The following CFI variants were observed in gnomAD, a reference collection of about 807,000 sequenced individuals.
The protein encoded by CFI is C3B/C4B inactivator.
A neutral mutation model predicts 78.8 loss-of-function variants in CFI; 66 were observed. The observed-to-expected ratio is 0.84, with a 90% confidence interval of 0.69 to 1.03. The LOEUF (loss-of-function observed/expected upper bound fraction) is 1.03, where lower values mean the gene tolerates loss of function less well. Among genes scored for constraint, CFI ranks in the 50% least tolerant of loss-of-function variants. CFI has a pLI of 0.00. For missense variants in CFI, 706 were observed against 704.5 expected, an observed-to-expected ratio of 1.00 and a Z score of -0.02; for synonymous variants, 250 against 232.6, an observed-to-expected ratio of 1.07 and a Z score of -0.68.
chr4:109,767,715 T>A (rs967871765), intron 1 of CFI, among the ~76,000 whole-genome samples: 4 of 150,836 alleles, frequency 2.7e-5, no homozygotes, highest in African/African-American at 4.9e-5. Flanking sequence ...ATTGTGGAAG[T>A]CAGTGTGGCG....
chr4:109,735,098 T>C, the CFI span, among the ~76,000 whole-genome samples: 1 of 152,136 alleles, frequency 6.6e-6, no homozygotes, highest in South Asian at 2.1e-4. Flanking sequence ...AATACAGGTG[T>C]ACACAACTGT....
intron 12 of CFI, 190 bp from the exon 13 acceptor site, chr4:109,741,300 G>T (rs1406105562): frequency 2.0e-6 from 2 of 985,256 alleles, no homozygotes; most frequent in African/African-American, 3.5e-5. Context: ...TTCTTTACGA[G>T]TCTTCTATTT....
At chr4:109,746,083 C>G (rs899176804) in intron 11 of CFI, 139 bp downstream of exon 11, 3 of 1,045,966 alleles carry the variant, frequency 2.9e-6, no homozygotes, top group African/African-American at 3.2e-5. Context: ...ACCCATGAAG[C>G]CAGCCATGGC....
chr4:109,792,628 G>A (rs545653828), intron 1 of CFI, among the ~76,000 whole-genome samples: 1 of 151,950 alleles, frequency 6.6e-6, no homozygotes, highest in South Asian at 2.1e-4. Flanking sequence ...CTTTTATTCT[G>A]TCACTTTTCA....
rs781740283 is a variant in CFI, at chr4:109,740,828, G to A, written c.*65C>T. ...CCCCTAGAGAATTATTAATTATACC[G>A]TTTTATTTCCATTAAATGGAACTCT... On this transcript the variant is annotated 3_prime_UTR_variant, in exon 13 of 13. Coordinates refer to ENST00000394634, the MANE Select transcript of CFI (RefSeq NM_000204.5). 255 of 1,424,828 alleles carry A rather than the reference G, an allele frequency of 1.8e-4. 1 individual carries two copies. Among genetic ancestry groups the A allele is most frequent in the Middle Eastern group, 7.0e-4 (4 of 5,692 alleles). 88.3% of individuals were successfully genotyped at this position (1,424,828 alleles called of 1,614,324 possible).
chr4:109,756,929 GA>G (rs1726311451), intron 7 of CFI, among the ~76,000 whole-genome samples: 3 of 144,240 alleles, frequency 2.1e-5, no homozygotes, highest in Non-Finnish European at 4.6e-5. Flanking sequence ...AAGAAAGAAA[GA>G]AAGAAAGAAA....
rs557217553 is a variant in CFI, at chr4:109,783,535, T to C, written c.58-16711A>G. ...AAAATAAAAAAATAGTAGATGTTGG[T>C]GTGGATGTGGTGATCAGGGAACACT... On this transcript the variant is annotated intron_variant, in intron 1 of 12. Coordinates refer to ENST00000394634, the MANE Select transcript of CFI (RefSeq NM_000204.5). Among the ~76,000 whole-genome samples, 314 of 151,772 alleles carry C rather than the reference T, an allele frequency of 2.1e-3. 2 individuals are homozygous for C. The highest frequency in any genetic ancestry group is 7.0e-3 in the African/African-American group (289 of 41,392).
chr4:109,757,067 C>T (rs1046396792), intron 7 of CFI, among the ~76,000 whole-genome samples: 2 of 151,958 alleles, frequency 1.3e-5, no homozygotes, highest in Non-Finnish European at 2.9e-5. Context: ...CCAGCTCTGT[C>T]GCCCAGGCTG....
chr4:109,775,544 C>T (rs1331821784), intron 1 of CFI, among the ~76,000 whole-genome samples: 1 of 152,214 alleles, frequency 6.6e-6, no homozygotes, highest in Non-Finnish European at 1.5e-5. Flanking sequence ...AGGAGGCCTG[C>T]CTGCCTCTGT....
chr4:109,749,131 T>G, intron 10 of CFI, 87 bp downstream of exon 10: 6 of 1,185,410 alleles, frequency 5.1e-6, no homozygotes, highest in Non-Finnish European at 1.3e-6. Flanking sequence ...AGTACCTTTT[T>G]CAGATATGCT....
chr4:109,746,605 T>C (rs1473156343), intron 10 of CFI, 103 bp from the exon 11 acceptor site: 6 of 995,368 alleles, frequency 6.0e-6, no homozygotes, highest in Non-Finnish European at 8.6e-6. Context: ...ACCTTTTTCA[T>C]TTCCCCAGAA....
chr4:109,731,251 C>CA, the CFI span, among the ~76,000 whole-genome samples: 1 of 151,926 alleles, frequency 6.6e-6, no homozygotes, highest in South Asian at 2.1e-4. Context: ...GAGGCGGAGG[C>CA]AGGAGAATCA....
intron 1 of CFI, chr4:109,793,293 T>C (rs563156580): frequency 6.6e-6 from 1 of 152,378 alleles, no homozygotes; most frequent in Admixed American, 6.5e-5. Context: ...TACATCTTTA[T>C]ACATTGTGCA....
In CFI at chr4:109,760,259, C is replaced by G. The variant is rs751353836; in HGVS notation, c.883+11G>C. On this transcript the variant is annotated intron_variant, in intron 6 of 12. Coordinates refer to ENST00000394634, the MANE Select transcript of CFI (RefSeq NM_000204.5). ...ATAATGAAAAAAAGTCACCCCAAGT[C>G]TTTCAATTACCTGCACAGCCAACTT... 6.3e-7 allele frequency: 1 copy of G among 1,597,858 alleles called. No homozygotes were observed. Among genetic ancestry groups the G allele is most frequent in the Non-Finnish European group, 8.6e-7 (1 of 1,165,144 alleles).
intron 12 of CFI, 122 bp from the exon 13 acceptor site, chr4:109,741,232 G>C: frequency 6.5e-7 from 1 of 1,547,290 alleles, no homozygotes; most frequent in African/African-American, 1.4e-5. Flanking sequence ...CAATAGCATG[G>C]GCTCTCCTTA....
At chr4:109,787,305 A>G (rs1371196818) in intron 1 of CFI, among the ~76,000 whole-genome samples, 2 of 152,126 alleles carry the variant, frequency 1.3e-5, no homozygotes, top group African/African-American at 4.8e-5. Flanking sequence ...TAACAACCAC[A>G]TCAGAAACCT....
the CFI span, among the ~76,000 whole-genome samples, chr4:109,731,258 A>G: frequency 8.5e-5 from 13 of 152,216 alleles, no homozygotes; most frequent in South Asian, 2.7e-3. Context: ...AGGCAGGAGA[A>G]TCACTTGAAC....
rs1285778854 is a variant in CFI at position 109,742,396 on chromosome 4, G to A, written c.1534+95C>T. The stretch of plus-strand genomic sequence containing the variant: ...CCAGAAGGCCAAATGGAGGGAATTA[G>A]GGCCCAAAGCATGGGGGCTGATGTG... On this transcript the variant is annotated intron_variant, in intron 12 of 12. Transcript: ENST00000394634. 6 of 825,666 alleles carry A rather than the reference G, an allele frequency of 7.3e-6. No homozygotes were observed. In the Admixed American group the frequency reaches 7.4e-5, roughly 10 times the overall value. The allele number at this position is 825,666 out of a possible 1,614,324, so 51.1% of individuals were successfully genotyped here.
At chr4:109,762,556 A>C (rs553016755) in intron 3 of CFI, 28 of 152,304 alleles carry the variant, frequency 1.8e-4, no homozygotes, top group African/African-American at 6.5e-4. Flanking sequence ...AAATAGGTTA[A>C]AAATAAAAAA....
Sources: gnomAD v4.1 joint callset for allele counts (sites outside exome capture counted in the v4.1 genomes callset) on GRCh38, gnomAD v4.1.1 for gene constraint, MANE v1.5 for transcripts, NCBI Gene and HGNC (gene_info 2026-07-23, HGNC 2026-07-21) for gene names.